SLCO5A1: variants seen among roughly 807,000 people sequenced by gnomAD.
SLCO5A1 encodes the protein solute carrier organic anion transporter family member 5A1, also known as organic anion transporter polypeptide-related protein 4.
In SLCO5A1, 39 loss-of-function variants were observed where a neutral mutation model predicts 65.1. That is an observed-to-expected ratio of 0.60 (90% CI 0.46 to 0.78). The LOEUF is 0.78. Among genes scored for constraint, SLCO5A1 ranks in the 30% least tolerant of loss-of-function variants. The pLI is 0.00. For missense variants in SLCO5A1, 1,029 were observed against 1,069.4 expected (o/e 0.96, Z 0.53); for synonymous variants, 438 against 415.7 (o/e 1.05, Z -0.65).
intron 2 of SLCO5A1, among the ~76,000 whole-genome samples, chr8:69,830,833 A>G (rs942912482): frequency 2.0e-5 from 3 of 152,184 alleles, no homozygotes; most frequent in African/African-American, 7.2e-5. Flanking sequence ...AAAAATAGGA[A>G]TGGATTCTTC....
At chr8:69,735,899 T>G (rs1371907001) in intron 5 of SLCO5A1, among the ~76,000 whole-genome samples, 2 of 152,216 alleles carry the variant, frequency 1.3e-5, no homozygotes, top group Non-Finnish European at 2.9e-5. Context: ...CTTACTGCAA[T>G]TTGACAGGCC....
intron 4 of SLCO5A1, among the ~76,000 whole-genome samples, chr8:69,745,354 T>C (rs540540284): frequency 5.9e-5 from 9 of 152,210 alleles, no homozygotes; most frequent in Non-Finnish European, 1.3e-4. Context: ...TTCTTTTATG[T>C]TCTTCTAAAG....
intron 2 of SLCO5A1, among the ~76,000 whole-genome samples, chr8:69,814,360 G>A (rs1369533782): frequency 6.6e-6 from 1 of 151,878 alleles, no homozygotes; most frequent in African/African-American, 2.4e-5. Flanking sequence ...AATAGGCAAG[G>A]GACTTGAATA....
intron 8 of SLCO5A1, among the ~76,000 whole-genome samples, chr8:69,677,465 T>C (rs1813596857): frequency 6.6e-6 from 1 of 152,176 alleles, no homozygotes; most frequent in African/African-American, 2.4e-5. Flanking sequence ...TTATGAATGA[T>C]TCATGTCTTT....
chr8:69,812,418 G>A (rs1487106854), intron 2 of SLCO5A1, among the ~76,000 whole-genome samples: 1 of 152,186 alleles, frequency 6.6e-6, no homozygotes, highest in East Asian at 1.9e-4. Context: ...ACTAGTTTGT[G>A]TCAAATTGCA....
At chr8:69,732,997 T>G (rs1306431598) in intron 5 of SLCO5A1, among the ~76,000 whole-genome samples, 3 of 151,844 alleles carry the variant, frequency 2.0e-5, no homozygotes, top group Non-Finnish European at 4.4e-5. Flanking sequence ...TAAACCCTTC[T>G]GGCCCTTTTT....
intron 4 of SLCO5A1, among the ~76,000 whole-genome samples, chr8:69,754,590 T>C (rs929459676): frequency 6.6e-6 from 1 of 152,198 alleles, no homozygotes; most frequent in African/African-American, 2.4e-5. Flanking sequence ...CAGAGAATGT[T>C]GGAAACAAAA....
At chr8:69,742,886 T>C (rs574196417) in intron 4 of SLCO5A1, among the ~76,000 whole-genome samples, 193 of 145,492 alleles carry the variant, frequency 1.3e-3, no homozygotes, top group Middle Eastern at 3.8e-3. Context: ...CTGTAACCTC[T>C]GCCCCCAGGG....
chr8:69,747,549 AC>A (rs1817094766), intron 4 of SLCO5A1, among the ~76,000 whole-genome samples: 1 of 152,236 alleles, frequency 6.6e-6, no homozygotes, highest in Admixed American at 6.5e-5. Flanking sequence ...ATTATAAGTA[AC>A]AAGAGATGAT....
Position 69,816,506 on chromosome 8 carries a change from C to G in SLCO5A1, c.907+15261G>C, listed in dbSNP as rs115694759. 7.0e-3 allele frequency among the ~76,000 whole-genome samples: 1,060 copies of G among 152,274 alleles called. 15 individuals carry two copies. The highest frequency in any genetic ancestry group is 0.024 in the African/African-American group (1,004 of 41,542). ...CTCCAGCAAAAGGAAACTGAAAACACAGGAAACAGGGTGCAAGCACTGGCT... is the reference window on the plus strand; with the variant it reads ...CTCCAGCAAAAGGAAACTGAAAACAGAGGAAACAGGGTGCAAGCACTGGCT... On this transcript the variant is annotated intron_variant, in intron 2 of 9. Transcript: ENST00000260126.
chr8:69,807,977 A>C (rs922228066), intron 2 of SLCO5A1, among the ~76,000 whole-genome samples: 1 of 152,126 alleles, frequency 6.6e-6, no homozygotes, highest in African/African-American at 2.4e-5. Flanking sequence ...TGCTGGGATT[A>C]CAGGCTTGAG....
At chr8:69,718,153 T>C (rs1439673647) in intron 5 of SLCO5A1, among the ~76,000 whole-genome samples, 1 of 152,224 alleles carries the variant, frequency 6.6e-6, no homozygotes, top group Non-Finnish European at 1.5e-5. Flanking sequence ...TTGATGCTAA[T>C]GTAAATGAAA....
chr8:69,682,334 G>A lies in SLCO5A1; in HGVS notation c.1632C>T (p.Leu544=), dbSNP rs766293774. 1 of 1,603,158 alleles carries A rather than the reference G, an allele frequency of 6.2e-7. No individual in the cohort carries two copies. The highest frequency in any genetic ancestry group is 1.3e-5 in the African/African-American group (1 of 74,388). ...CTGTCAGATTCCTATGGGGCATGGT[G>A]AGAGAAGGTCTAAGAGAGAAGAGAA... ...INIPYTTGPS[L]TMPHRNLTGS... The change falls in exon 7 of 10, where the codon CTC becomes CTT. Residue 544 remains leucine, a synonymous_variant. Transcript: ENST00000260126.
In SLCO5A1 at chr8:69,669,436, T is replaced by C. The variant is rs1415632854; in HGVS notation, c.*3433A>G. 4 of 152,236 alleles carry C rather than the reference T, an allele frequency of 2.6e-5. No individual in the cohort carries two copies. The highest frequency in any genetic ancestry group is 5.9e-5 in the Non-Finnish European group (4 of 68,048). 9.4% of individuals were successfully genotyped at this position (152,236 alleles called of 1,614,324 possible). A position where few individuals can be genotyped will look rare whatever the true frequency, so the allele number is the denominator to read the frequency against. On this transcript the variant is annotated 3_prime_UTR_variant, in exon 10 of 10. Transcript: ENST00000260126. ...AATAATGGAGTGAGAGAAATCTATGTCTGAATCCTGACTTTACCATTCTGT... is the reference window on the plus strand; with the variant it reads ...AATAATGGAGTGAGAGAAATCTATGCCTGAATCCTGACTTTACCATTCTGT...
intron 6 of SLCO5A1, among the ~76,000 whole-genome samples, chr8:69,690,888 T>A (rs1349474456): frequency 6.6e-6 from 1 of 152,108 alleles, no homozygotes; most frequent in Non-Finnish European, 1.5e-5. Flanking sequence ...TGCTTTAAGT[T>A]CAAAAAGATG....
intron 4 of SLCO5A1, among the ~76,000 whole-genome samples, chr8:69,740,509 T>C (rs1586745892): frequency 6.6e-6 from 1 of 152,296 alleles, no homozygotes; most frequent in East Asian, 1.9e-4. Flanking sequence ...ACATGGATGA[T>C]AGACTGTGTG....
At chr8:69,755,992 G>T (rs1290395007) in intron 3 of SLCO5A1, among the ~76,000 whole-genome samples, 5 of 152,132 alleles carry the variant, frequency 3.3e-5, no homozygotes, top group African/African-American at 1.2e-4. Flanking sequence ...AAATTCAATA[G>T]AAAAATAATG....
At chr8:69,723,954 G>A (rs1398827595) in intron 5 of SLCO5A1, among the ~76,000 whole-genome samples, 1 of 152,022 alleles carries the variant, frequency 6.6e-6, no homozygotes, top group Non-Finnish European at 1.5e-5. Context: ...TGTATTTTTA[G>A]TAAAAATGGG....
chr8:69,756,754 AAC>A, intron 3 of SLCO5A1, among the ~76,000 whole-genome samples: 1 of 152,366 alleles, frequency 6.6e-6, no homozygotes, highest in African/African-American at 2.4e-5. Flanking sequence ...CTAGGAAGCA[AAC>A]ACAGGGAGTA....
Sources: allele counts gnomAD v4.1 joint callset (sites outside exome capture counted in the v4.1 genomes callset), GRCh38; gene constraint gnomAD v4.1.1; transcripts MANE v1.5; gene names NCBI Gene and HGNC (gene_info 2026-07-23, HGNC 2026-07-21).